The following CELF4 variants were observed in gnomAD, a reference collection of about 807,000 sequenced individuals.
CELF4 encodes the protein CUG-BP- and ETR-3-like factor 4.
In CELF4, 18 loss-of-function variants were observed where a neutral mutation model predicts 59.9. The observed-to-expected ratio is 0.30, with a 90% CI of 0.21 to 0.45. The LOEUF is 0.45. Ranked by LOEUF, CELF4 falls within the 20% of genes least tolerant of loss-of-function variation. The probability of loss-of-function intolerance (pLI) is 1.00; values close to 1 mark genes in which losing one functional copy is unlikely to be tolerated. For synonymous variants in CELF4, 261 were observed against 267.1 expected (o/e 0.98, Z 0.22); for missense variants, 456 against 689.0 (o/e 0.66, Z 3.79).
chr18:37,526,562 G>T (rs188521932), intron 1 of CELF4, among the ~76,000 whole-genome samples: 313 of 152,282 alleles, frequency 2.1e-3, no homozygotes, highest in Admixed American at 3.5e-3. Context: ...CTGGGGTAGA[G>T]CCACCTGTGT....
At chr18:37,497,549 G>A (rs1455556384) in intron 1 of CELF4, among the ~76,000 whole-genome samples, 1 of 152,078 alleles carries the variant, frequency 6.6e-6, no homozygotes, top group Non-Finnish European at 1.5e-5. Flanking sequence ...CTATTCAGGA[G>A]GCTGAGACAG....
At chr18:37,519,493 C>T (rs2099954666) in intron 1 of CELF4, among the ~76,000 whole-genome samples, 1 of 152,204 alleles carries the variant, frequency 6.6e-6, no homozygotes, top group South Asian at 2.1e-4. Context: ...TTCCTCCTAT[C>T]AGCATTTTGC....
intron 2 of CELF4, among the ~76,000 whole-genome samples, chr18:37,468,621 G>C (rs572516747): frequency 1.6e-4 from 25 of 152,282 alleles, no homozygotes; most frequent in Admixed American, 1.2e-3. Context: ...TTCTCACACT[G>C]CTATAAAGAC....
intron 1 of CELF4, among the ~76,000 whole-genome samples, chr18:37,502,256 T>C (rs939903041): frequency 6.6e-6 from 1 of 152,134 alleles, no homozygotes; most frequent in Admixed American, 6.5e-5. Context: ...ACAGACCTTC[T>C]CCATGAAATC....
intron 2 of CELF4, among the ~76,000 whole-genome samples, chr18:37,472,795 G>C (rs1268956593): frequency 2.0e-5 from 3 of 152,220 alleles, no homozygotes; most frequent in Non-Finnish European, 2.9e-5. Context: ...AGGCCTGAAG[G>C]AGAAATGAGG....
intron 3 of CELF4, among the ~76,000 whole-genome samples, chr18:37,317,105 G>A (rs749290375): frequency 1.1e-4 from 17 of 152,152 alleles, no homozygotes; most frequent in Non-Finnish European, 2.4e-4. Context: ...ACATATTTCC[G>A]GCCGGGCGCG....
chr18:37,545,550 G>A (rs1201465917), intron 1 of CELF4, among the ~76,000 whole-genome samples: 4 of 152,204 alleles, frequency 2.6e-5, no homozygotes, highest in Non-Finnish European at 5.9e-5. Context: ...GAGCAGAGAT[G>A]CATTTAGCCA....
rs2099800066 is a variant in CELF4 at position 37,463,736 on chromosome 18, A to G, written c.369+21789T>C. Among the ~76,000 whole-genome samples, 4 of 151,838 alleles carry G rather than the reference A, an allele frequency of 2.6e-5. No individual in the cohort carries two copies. The South Asian group carries it at 8.3e-4, about 32-fold the overall frequency. ...TTGTCACTGCTCCTCTCCAGCCCCA[A>G]CCTTGCTCAGTGGGTCCCAGCTCCT... On this transcript the variant is annotated intron_variant, in intron 2 of 12. Transcript: ENST00000420428.
At chr18:37,510,881 A>G (rs1389801022) in intron 1 of CELF4, among the ~76,000 whole-genome samples, 2 of 152,194 alleles carry the variant, frequency 1.3e-5, no homozygotes, top group Non-Finnish European at 1.5e-5. Flanking sequence ...CCTGAGAGTG[A>G]CATTGGAGGT....
intron 1 of CELF4, among the ~76,000 whole-genome samples, chr18:37,523,057 C>G (rs1319542598): frequency 1.3e-5 from 2 of 152,206 alleles, no homozygotes; most frequent in Admixed American, 1.3e-4. Flanking sequence ...ACCAGATTCA[C>G]AAGGGGGGCG....
intron 1 of CELF4, among the ~76,000 whole-genome samples, chr18:37,491,428 C>T (rs1255172544): frequency 6.6e-6 from 1 of 152,184 alleles, no homozygotes; most frequent in Non-Finnish European, 1.5e-5. Context: ...TACTTAATCC[C>T]TTCCATTTAC....
chr18:37,420,774 C>T (rs770162948), intron 2 of CELF4, among the ~76,000 whole-genome samples: 63 of 152,208 alleles, frequency 4.1e-4, no homozygotes, highest in Non-Finnish European at 5.1e-4. Context: ...GCACAAACTG[C>T]AAGCCAGGCA....
chr18:37,563,581 A>G (rs2099987220), intron 1 of CELF4, among the ~76,000 whole-genome samples: 1 of 152,120 alleles, frequency 6.6e-6, no homozygotes, highest in African/African-American at 2.4e-5. Context: ...GAGGGGGGGA[A>G]AAAGAAAGTG....
chr18:37,508,475 T>A (rs1193263824), intron 1 of CELF4, among the ~76,000 whole-genome samples: 1 of 152,172 alleles, frequency 6.6e-6, no homozygotes, highest in Non-Finnish European at 1.5e-5. Context: ...GCTGAGGTCT[T>A]TTGCGGAGTG....
chr18:37,281,782 C>T (rs907858260), intron 3 of CELF4, among the ~76,000 whole-genome samples: 1 of 152,180 alleles, frequency 6.6e-6, no homozygotes, highest in Non-Finnish European at 1.5e-5. Context: ...GTCTGGAGCC[C>T]AGGGTCATCC....
At chr18:37,377,203 G>T (rs1212309897) in intron 2 of CELF4, among the ~76,000 whole-genome samples, 1 of 152,178 alleles carries the variant, frequency 6.6e-6, no homozygotes, top group Non-Finnish European at 1.5e-5. Flanking sequence ...GGAAGGCAGT[G>T]GTTGGGCTGG....
At chr18:37,484,633 T>C (rs996360221) in intron 2 of CELF4, among the ~76,000 whole-genome samples, 1 of 151,962 alleles carries the variant, frequency 6.6e-6, no homozygotes, top group Non-Finnish European at 1.5e-5. Context: ...CCGCCCGGGG[T>C]TGCATTTTCT....
intron 2 of CELF4, among the ~76,000 whole-genome samples, chr18:37,354,495 C>T (rs1603626384): frequency 6.6e-6 from 1 of 152,308 alleles, no homozygotes; most frequent in Non-Finnish European, 1.5e-5. Flanking sequence ...TTCCACAGAC[C>T]CATGCTCGGC....
At chr18:37,283,189 C>G (rs1009499876) in intron 3 of CELF4, among the ~76,000 whole-genome samples, 1 of 151,904 alleles carries the variant, frequency 6.6e-6, no homozygotes, top group African/African-American at 2.4e-5. Context: ...CTTCCAGATA[C>G]TTCAGGGTCT....
Sources: allele counts gnomAD v4.1 joint callset (sites outside exome capture counted in the v4.1 genomes callset), GRCh38; gene constraint gnomAD v4.1.1; transcripts MANE v1.5; gene names NCBI Gene and HGNC (gene_info 2026-07-23, HGNC 2026-07-21).